The following CLNK variants were observed in gnomAD, a reference collection of about 807,000 sequenced individuals.
CLNK encodes the protein cytokine dependent hematopoietic cell linker.
In CLNK, 74 loss-of-function variants were observed where a neutral mutation model predicts 68.6. The observed-to-expected ratio is 1.08, with a 90% CI of 0.89 to 1.31. The LOEUF (loss-of-function observed/expected upper bound fraction) is 1.31. Among genes scored for constraint, CLNK ranks in the 50% most tolerant of loss-of-function variants. The pLI is 0.00. For synonymous variants in CLNK, 198 were observed against 172.2 expected (o/e 1.15, Z -1.17); for missense variants, 553 against 515.3 (o/e 1.07, Z -0.71).
At chr4:10,663,293 T>A (rs1250322448) in intron 2 of CLNK, among the ~76,000 whole-genome samples, 1 of 152,180 alleles carries the variant, frequency 6.6e-6, no homozygotes, top group Non-Finnish European at 1.5e-5. Flanking sequence ...GCAGGGAAAG[T>A]CAATGAAAAA....
intron 3 of CLNK, among the ~76,000 whole-genome samples, chr4:10,586,428 C>T (rs1163238174): frequency 6.7e-6 from 1 of 148,558 alleles, no homozygotes; most frequent in Non-Finnish European, 1.5e-5. Flanking sequence ...AATTCTCCTG[C>T]CTCAGCCTCC....
At chr4:10,605,763 G>A (rs1407793020) in intron 2 of CLNK, among the ~76,000 whole-genome samples, 2 of 136,926 alleles carry the variant, frequency 1.5e-5, no homozygotes, top group African/African-American at 5.3e-5. Flanking sequence ...AGGAGGCAGA[G>A]GTTGCAGTGA....
rs1360613689 is a variant in CLNK at position 10,508,054 on chromosome 4, T to C, written c.907-18A>G. The C allele has an allele frequency of 7.6e-6, 12 of 1,587,542 alleles. No individual in the cohort carries two copies. Among genetic ancestry groups the C allele is most frequent in the Non-Finnish European group, 1.0e-5 (12 of 1,165,622 alleles). ...TGGACATCCTGCAGAACAGAATCAA[T>C]GATAAATATTTTAGGGTCAATGGGA... On this transcript the variant is annotated intron_variant, in intron 16 of 18. Coordinates refer to ENST00000226951, the MANE Select transcript of CLNK (RefSeq NM_052964.4).
chr4:10,592,189 GT>G (rs1231064970), intron 3 of CLNK, among the ~76,000 whole-genome samples: 4 of 152,110 alleles, frequency 2.6e-5, no homozygotes, highest in South Asian at 4.2e-4. Context: ...CCTTACTTGA[GT>G]TTTTTTCCTT....
chr4:10,535,651 A>T (rs928830528), intron 11 of CLNK, among the ~76,000 whole-genome samples: 1 of 152,202 alleles, frequency 6.6e-6, no homozygotes, highest in African/African-American at 2.4e-5. Context: ...TGTCTTTCAG[A>T]TTATGTCAAA....
chr4:10,507,100 C>T (rs538699941), intron 17 of CLNK, among the ~76,000 whole-genome samples: 4 of 151,300 alleles, frequency 2.6e-5, no homozygotes, highest in East Asian at 3.9e-4. Flanking sequence ...CCACCGCGTC[C>T]GGCTGAAACT....
Position 10,593,188 on chromosome 4 carries a change from G to C in CLNK, c.83+4790C>G, listed in dbSNP as rs921624124. Reference sequence around the variant, plus strand: ...CGGCACTCCGCCTTCTGCATGGTGAGGTGGGCCACAGTGAGAAAAGTGACC... The same window carrying C: ...CGGCACTCCGCCTTCTGCATGGTGACGTGGGCCACAGTGAGAAAAGTGACC... On this transcript the variant is annotated intron_variant, in intron 3 of 18. Coordinates refer to ENST00000226951, the MANE Select transcript of CLNK (RefSeq NM_052964.4). Among the ~76,000 whole-genome samples, 4 of 152,180 alleles carry C rather than the reference G, an allele frequency of 2.6e-5. No individual in the cohort carries two copies. The East Asian group carries it at 7.7e-4, about 29-fold the overall frequency.
chr4:10,558,972 G>C (rs1719786149), intron 7 of CLNK, among the ~76,000 whole-genome samples: 1 of 152,088 alleles, frequency 6.6e-6, no homozygotes, highest in Non-Finnish European at 1.5e-5. Context: ...CTGTGAAATG[G>C]AGGTAACAAA....
chr4:10,685,189 A>C (rs1725225553), upstream of CLNK: 1 of 152,192 alleles, frequency 6.6e-6, no homozygotes, highest in Non-Finnish European at 1.5e-5. Flanking sequence ...GAACCTGGGA[A>C]CTAAAGGAGA....
In CLNK at chr4:10,508,024, T is replaced by C; in HGVS notation, c.919A>G (p.Asn307Asp). ...CTGTATTCTCCAATGTACCATTCAT[T>C]GTGCTGGACATCCTGCAGAACAGAA... Reference protein sequence around the residue: ...KRSDRKDVQHNEWYIGEYSRQ... With the variant: ...KRSDRKDVQHDEWYIGEYSRQ... Residue 307 changes from asparagine (N) to aspartate (D), a missense_variant, in exon 17 of 19, where the codon AAT (asparagine) becomes GAT (aspartate). Physicochemically the swap from Asn to Asp is conservative, Grantham distance 23. Coordinates refer to ENST00000226951, the MANE Select transcript of CLNK (RefSeq NM_052964.4). The C allele has an allele frequency of 1.9e-6, 3 of 1,610,842 alleles. No homozygotes were observed. Among genetic ancestry groups the C allele is most frequent in the Non-Finnish European group, 2.5e-6 (3 of 1,178,440 alleles).
intron 7 of CLNK, among the ~76,000 whole-genome samples, chr4:10,559,894 G>A (rs945811348): frequency 2.0e-5 from 3 of 152,130 alleles, no homozygotes; most frequent in Admixed American, 2.0e-4. Flanking sequence ...ATTGAGATTT[G>A]GGGTTGGAAA....
In CLNK at chr4:10,583,526, C is replaced by A. The variant is rs531478961; in HGVS notation, c.112+1401G>T. Among the ~76,000 whole-genome samples, 280 of 152,244 alleles carry A rather than the reference C, an allele frequency of 1.8e-3. 1 individual carries two copies. Among genetic ancestry groups the A allele is most frequent in the African/African-American group, 6.5e-3 (268 of 41,526 alleles). Reference sequence around the variant, plus strand: ...TGTCTCAAACTCCTGACCTTGTGATCCGCCTGCTTTGGCCTCCCAAAGTGC... The same window carrying A: ...TGTCTCAAACTCCTGACCTTGTGATACGCCTGCTTTGGCCTCCCAAAGTGC... On this transcript the variant is annotated intron_variant, in intron 4 of 18. Transcript: ENST00000226951.
chr4:10,716,914 G>A, the CLNK span, among the ~76,000 whole-genome samples: 1 of 151,754 alleles, frequency 6.6e-6, no homozygotes, highest in African/African-American at 2.4e-5. Flanking sequence ...GGCTGGTCTT[G>A]AACTCCTGAC....
At chr4:10,685,478 C>A (rs1343434165), upstream of CLNK, among the ~76,000 whole-genome samples, 1 of 152,080 alleles carries the variant, frequency 6.6e-6, no homozygotes, top group African/African-American at 2.4e-5. Flanking sequence ...ATATCAGTTG[C>A]TTAATACATT....
intron 18 of CLNK, among the ~76,000 whole-genome samples, chr4:10,493,636 A>T (rs568683350): frequency 5.3e-5 from 8 of 152,316 alleles, no homozygotes; most frequent in African/African-American, 1.9e-4. Flanking sequence ...ACAAACATTC[A>T]GACTACACCA....
chr4:10,558,528 G>C, intron 7 of CLNK, 76 bp from the exon 8 acceptor site: 4 of 1,399,836 alleles, frequency 2.9e-6, no homozygotes, highest in Non-Finnish European at 4.0e-6. Context: ...CACTCTCTGT[G>C]GTTAGGTTCC....
At chr4:10,504,309 A>G (rs1717193935) in intron 17 of CLNK, among the ~76,000 whole-genome samples, 1 of 151,550 alleles carries the variant, frequency 6.6e-6, no homozygotes, top group African/African-American at 2.4e-5. Flanking sequence ...TTTAGTAGAG[A>G]TGAGGTTTCA....
intron 2 of CLNK, among the ~76,000 whole-genome samples, chr4:10,627,355 T>C (rs1009837917): frequency 6.6e-6 from 1 of 152,122 alleles, no homozygotes; most frequent in African/African-American, 2.4e-5. Flanking sequence ...GAATTGTCCC[T>C]CCCAAACTTG....
At chr4:10,674,791 C>G (rs144903957) in intron 1 of CLNK, among the ~76,000 whole-genome samples, 212 of 152,280 alleles carry the variant, frequency 1.4e-3, no homozygotes, top group African/African-American at 5.1e-3. Flanking sequence ...TTTGAAAATG[C>G]TTTGTAAAGA....
Sources: gnomAD v4.1 joint callset for allele counts (sites outside exome capture counted in the v4.1 genomes callset) on GRCh38, gnomAD v4.1.1 for gene constraint, MANE v1.5 for transcripts, NCBI Gene and HGNC (gene_info 2026-07-23, HGNC 2026-07-21) for gene names.